IL6ST: variants seen among roughly 807,000 people sequenced by gnomAD.
IL6ST encodes the protein interleukin-6 receptor subunit beta.
A neutral mutation model predicts 91.3 loss-of-function variants in IL6ST; 24 were observed. That is an observed-to-expected ratio of 0.26 (90% CI 0.19 to 0.37). The LOEUF is 0.37. IL6ST is among the 10% of genes least tolerant of loss of function. The pLI, the probability that IL6ST is intolerant of heterozygous loss-of-function variation, is 1.00. For missense variants in IL6ST, 914 were observed against 1,078.5 expected (o/e 0.85, Z 2.14); for synonymous variants, 351 against 373.6 (o/e 0.94, Z 0.70).
intron 1 of IL6ST, among the ~76,000 whole-genome samples, chr5:55,984,206 T>C (rs1432325684): frequency 6.6e-6 from 1 of 152,252 alleles, no homozygotes; most frequent in Non-Finnish European, 1.5e-5. Context: ...CATGCAACTT[T>C]ATTTATAAAA....
intron 15 of IL6ST, among the ~76,000 whole-genome samples, chr5:55,946,635 G>A (rs1751266738): frequency 6.6e-6 from 1 of 151,968 alleles, no homozygotes; most frequent in Non-Finnish European, 1.5e-5. Context: ...TGGCCAACAT[G>A]ATGAAACTCC....
Position 55,936,490 on chromosome 5 carries a change from T to A in IL6ST, c.*4592A>T. On this transcript the variant is annotated 3_prime_UTR_variant, in exon 17 of 17. Coordinates refer to ENST00000381298, the MANE Select transcript of IL6ST (RefSeq NM_002184.4). ...ATTAAGACCAAGATAGTGTACTGGT[T>A]TTCTTTTAAATCACATTCCATTATG... 1 of 216,526 alleles carries A rather than the reference T, an allele frequency of 4.6e-6. No homozygotes were observed. Among genetic ancestry groups the A allele is most frequent in the Non-Finnish European group, 9.3e-6 (1 of 107,576 alleles). 13.4% of individuals were successfully genotyped at this position (216,526 alleles called of 1,614,324 possible). A position where few individuals can be genotyped will look rare whatever the true frequency, so the allele number is the denominator to read the frequency against.
Position 55,939,330 on chromosome 5 carries a change from A to C in IL6ST, c.*1752T>G, listed in dbSNP as rs1436969130. 1 of 203,408 alleles carries C rather than the reference A, an allele frequency of 4.9e-6. No homozygotes were observed. The allele number at this position is 203,408 out of a possible 1,614,324, so 12.6% of individuals were successfully genotyped here. A position where few individuals can be genotyped will look rare whatever the true frequency, so the allele number is the denominator to read the frequency against. On this transcript the variant is annotated 3_prime_UTR_variant, in exon 17 of 17. Transcript: ENST00000381298. Reference sequence around the variant, plus strand: ...TTTTGCCTAAAGTGGGAAACTGAATATATCAGAATGAAACATCTATTTTTT... The same window carrying C: ...TTTTGCCTAAAGTGGGAAACTGAATCTATCAGAATGAAACATCTATTTTTT...
chr5:55,953,423 CTTG>C (rs1009673419), intron 11 of IL6ST, among the ~76,000 whole-genome samples: 1 of 152,128 alleles, frequency 6.6e-6, no homozygotes, highest in Non-Finnish European at 1.5e-5. Context: ...GAGTTTCGTT[CTTG>C]TTGTTCAGGC....
At chr5:55,963,798 T>C (rs565651726) in intron 6 of IL6ST, among the ~76,000 whole-genome samples, 2 of 152,268 alleles carry the variant, frequency 1.3e-5, no homozygotes, top group East Asian at 1.9e-4. Context: ...AAATGGAACA[T>C]ACATACTGTA....
At chr5:55,966,995 T>G (rs1485417612) in intron 5 of IL6ST, among the ~76,000 whole-genome samples, 1 of 150,392 alleles carries the variant, frequency 6.6e-6, no homozygotes, top group Non-Finnish European at 1.5e-5. Flanking sequence ...AATCTGTAGA[T>G]CTAAAAGCAA....
At chr5:55,971,776 G>A (rs1752980948) in intron 3 of IL6ST, among the ~76,000 whole-genome samples, 2 of 152,174 alleles carry the variant, frequency 1.3e-5, no homozygotes, top group Admixed American at 1.3e-4. Context: ...CAAGGCTGCA[G>A]TGAGCCCAGA....
rs906722988 is a variant in IL6ST at position 55,937,311 on chromosome 5, G to A, written c.*3771C>T. 2 of 213,974 alleles carry A rather than the reference G, an allele frequency of 9.3e-6. No homozygotes were observed. The highest frequency in any genetic ancestry group is 4.5e-5 in the African/African-American group (2 of 44,226). The allele number at this position is 213,974 out of a possible 1,614,324, so 13.3% of individuals were successfully genotyped here. A position where few individuals can be genotyped will look rare whatever the true frequency, so the allele number is the denominator to read the frequency against. On this transcript the variant is annotated 3_prime_UTR_variant, in exon 17 of 17. Transcript: ENST00000381298. The stretch of plus-strand genomic sequence containing the variant: ...AGCCCTTAAAAATTTAGGAACAAAT[G>A]AGCAACAGAAGAGCTCACCCTGAGC...
At chr5:55,957,348 TC>T in intron 8 of IL6ST, 57 bp from the exon 9 acceptor site, 1 of 885,548 alleles carries the variant, frequency 1.1e-6, no homozygotes, top group African/African-American at 1.7e-5. Context: ...AAAATAAAAT[TC>T]TGCAAATTAT....
chr5:55,989,505 G>A (rs536381075), intron 1 of IL6ST, among the ~76,000 whole-genome samples: 10 of 152,150 alleles, frequency 6.6e-5, no homozygotes, highest in Non-Finnish European at 1.3e-4. Flanking sequence ...AAAACACATA[G>A]AATATGCTTA....
chr5:55,951,924 A>G lies in IL6ST; in HGVS notation c.1699+5T>C. 2.1e-6 allele frequency: 3 copies of G among 1,397,630 alleles called. No individual in the cohort carries two copies. Among genetic ancestry groups the G allele is most frequent in the Non-Finnish European group, 3.0e-6 (3 of 993,954 alleles). 86.6% of individuals were successfully genotyped at this position (1,397,630 alleles called of 1,614,324 possible). A position where few individuals can be genotyped will look rare whatever the true frequency, so the allele number is the denominator to read the frequency against. Reference sequence around the variant, plus strand: ...GATTCTTAATAACTGATACAGTTTTATTACCAGTTTCATTTCCAATGATGG... The same window carrying G: ...GATTCTTAATAACTGATACAGTTTTGTTACCAGTTTCATTTCCAATGATGG... On this transcript the variant is annotated splice_donor_5th_base_variant and intron_variant, in intron 13 of 16. Transcript: ENST00000381298.
In IL6ST at chr5:55,941,356, A is replaced by C. The variant is rs1326944230; in HGVS notation, c.2483T>G (p.Ile828Ser). The change falls in exon 17 of 17, where the codon ATT (isoleucine) becomes AGT (serine). Residue 828 changes from isoleucine (I) to serine (S), a missense_variant. Coordinates refer to ENST00000381298, the MANE Select transcript of IL6ST (RefSeq NM_002184.4). ...TTGCTTTGACCTTTCAAAATGTGAA[A>C]TATCTGGACTGGATTCATGCTGACT... The part of the protein sequence containing the change: ...NCSQHESSPD[I>S]SHFERSKQVS... 6.2e-7 allele frequency: 1 copy of C among 1,614,120 alleles called. No homozygotes were observed. Among genetic ancestry groups the C allele is most frequent in the Non-Finnish European group, 8.5e-7 (1 of 1,180,004 alleles).
intron 14 of IL6ST, chr5:55,950,076 C>G (rs185420547): frequency 2.6e-6 from 1 of 377,764 alleles, no homozygotes; most frequent in African/African-American, 2.1e-5. Context: ...GCACAATCAA[C>G]AGGACTTGAC....
intron 3 of IL6ST, among the ~76,000 whole-genome samples, chr5:55,975,045 C>T (rs1008210986): frequency 3.9e-5 from 6 of 152,006 alleles, no homozygotes; most frequent in East Asian, 1.9e-4. Flanking sequence ...AGTGCAATGG[C>T]GTGACCATGG....
At position 55,963,581 on chromosome 5, in the gene IL6ST, T is replaced by C. The variant is rs1034092968; in HGVS notation, c.659-75A>G. 4 of 1,033,048 alleles carry C rather than the reference T, an allele frequency of 3.9e-6. No homozygotes were observed. In the South Asian group the frequency reaches 4.4e-5, roughly 11 times the overall value. 64.0% of individuals were successfully genotyped at this position (1,033,048 alleles called of 1,614,324 possible). A position where few individuals can be genotyped will look rare whatever the true frequency, so the allele number is the denominator to read the frequency against. ...TACAAACTCAAATATACTCTTTATA[T>C]TGTCCTTCCTTTATTTTACAATAAT... On this transcript the variant is annotated intron_variant, in intron 6 of 16. Coordinates refer to ENST00000381298, the MANE Select transcript of IL6ST (RefSeq NM_002184.4).
intron 5 of IL6ST, among the ~76,000 whole-genome samples, chr5:55,965,441 GTAT>G (rs1344548173): frequency 6.6e-6 from 1 of 152,100 alleles, no homozygotes; most frequent in East Asian, 1.9e-4. Flanking sequence ...TTAAAAGATA[GTAT>G]TATATCTCAA....
chr5:55,941,698 A>G lies in IL6ST; in HGVS notation c.2141T>C (p.Phe714Ser). The change falls in exon 17 of 17, where the codon TTC (phenylalanine) becomes TCC (serine). Residue 714 changes from phenylalanine (F) to serine (S), a missense_variant. Coordinates refer to ENST00000381298, the MANE Select transcript of IL6ST (RefSeq NM_002184.4). ...FPEDLKSLDL[F>S]KKEKINTEGH... ...TTCAGTATTAATTTTTTCCTTTTTGAACAGGTCCAATGATTTCAGATCTTC... is the reference window on the plus strand; with the variant it reads ...TTCAGTATTAATTTTTTCCTTTTTGGACAGGTCCAATGATTTCAGATCTTC... The G allele has an allele frequency of 6.2e-7, 1 of 1,613,990 alleles. No individual in the cohort carries two copies. The highest frequency in any genetic ancestry group is 8.5e-7 in the Non-Finnish European group (1 of 1,180,002).
intron 6 of IL6ST, 119 bp from the exon 7 acceptor site, chr5:55,963,625 CTAA>C (rs1467948216): frequency 2.7e-6 from 2 of 749,200 alleles, no homozygotes; most frequent in Non-Finnish European, 4.2e-6. Context: ...ACCAAATGAA[CTAA>C]TTTCTCTGAA....
intron 8 of IL6ST, chr5:55,959,503 A>G: frequency 2.9e-6 from 1 of 349,776 alleles, no homozygotes; most frequent in Non-Finnish European, 5.2e-6. Context: ...TATTTCTTGA[A>G]CTTAGTAACA....
Sources: allele counts gnomAD v4.1 joint callset (sites outside exome capture counted in the v4.1 genomes callset), GRCh38; gene constraint gnomAD v4.1.1; transcripts MANE v1.5; gene names NCBI Gene and HGNC (gene_info 2026-07-23, HGNC 2026-07-21).